The following PNPLA7 variants were observed in gnomAD, a reference collection of about 807,000 sequenced individuals.
The protein encoded by PNPLA7 is patatin like domain 7, lysophospholipase.
In PNPLA7, 153 loss-of-function variants were observed where a neutral mutation model predicts 161.7. The observed-to-expected ratio is 0.95, with a 90% CI of 0.83 to 1.08. PNPLA7 has a LOEUF of 1.08. Among genes scored for constraint, PNPLA7 ranks in the 50% least tolerant of loss-of-function variants. The probability of loss-of-function intolerance (pLI) is 0.00; values close to 1 mark genes in which losing one functional copy is unlikely to be tolerated. For synonymous variants in PNPLA7, 809 were observed against 782.1 expected (o/e 1.03, Z -0.57); for missense variants, 1,739 against 1,856.6 (o/e 0.94, Z 1.16).
At chr9:137,525,131 C>T (rs1835234405) in intron 8 of PNPLA7, among the ~76,000 whole-genome samples, 1 of 152,150 alleles carries the variant, frequency 6.6e-6, no homozygotes, top group Non-Finnish European at 1.5e-5. Context: ...GGGTGTCAGC[C>T]CAACCTCCCA....
chr9:137,536,087 A>C (rs935046349), intron 8 of PNPLA7, among the ~76,000 whole-genome samples: 9 of 148,898 alleles, frequency 6.0e-5, no homozygotes, highest in African/African-American at 2.0e-4. Flanking sequence ...CAGGAGGCGG[A>C]GCTTGCAGTG....
intron 14 of PNPLA7, among the ~76,000 whole-genome samples, chr9:137,502,765 G>A (rs1036922541): frequency 7.1e-6 from 1 of 141,356 alleles, no homozygotes. Context: ...CGGCCACGGT[G>A]ACATGGACGA....
At chr9:137,517,739 C>A (rs111207802) in intron 11 of PNPLA7, among the ~76,000 whole-genome samples, 12 of 66,254 alleles carry the variant, frequency 1.8e-4, no homozygotes, top group African/African-American at 9.8e-4. Context: ...TCTATCCACT[C>A]CATCCCCCGT....
intron 11 of PNPLA7, among the ~76,000 whole-genome samples, chr9:137,517,238 C>CCCG (rs1564342872): frequency 3.6e-5 from 4 of 111,830 alleles, no homozygotes; most frequent in Non-Finnish European, 3.8e-5. Context: ...CACTCCATCC[C>CCCG]TCACTCACTC....
At chr9:137,501,607 G>A (rs976615581) in intron 15 of PNPLA7, 43 bp downstream of exon 15, 1 of 1,577,358 alleles carries the variant, frequency 6.3e-7, no homozygotes, top group Non-Finnish European at 8.7e-7. Flanking sequence ...ACTGGGCTAT[G>A]GCATTGGGTG....
intron 11 of PNPLA7, among the ~76,000 whole-genome samples, chr9:137,518,804 G>A (rs1364747463): frequency 3.6e-5 from 2 of 55,850 alleles, no homozygotes; most frequent in Non-Finnish European, 6.2e-5. Flanking sequence ...ACTCCACTCT[G>A]TCCACTCCAT....
chr9:137,522,582 T>C (rs538801822), intron 9 of PNPLA7, 147 bp downstream of exon 9: 97 of 888,662 alleles, frequency 1.1e-4, no homozygotes, highest in Non-Finnish European at 1.6e-4. Context: ...TTGATTTCTC[T>C]ATTCCTCTGA....
At position 137,534,648 on chromosome 9, in the gene PNPLA7, C is replaced by T. The variant is rs187656109; in HGVS notation, c.747+5994G>A. On this transcript the variant is annotated intron_variant, in intron 8 of 34. Transcript: ENST00000406427. ...GCCAGCGTCCTGCTCAGTCCTCCTG[C>T]AGGGAGTGTCCCCTGTTAACGAGCC... Among the ~76,000 whole-genome samples the T allele has an allele frequency of 6.6e-5, 10 of 152,372 alleles. No homozygotes were observed. The East Asian group carries it at 1.9e-3, about 29-fold the overall frequency.
In PNPLA7 at chr9:137,547,020, A is replaced by T. The variant is rs569084184; in HGVS notation, c.194-111T>A. 3.8e-5 allele frequency: 39 copies of T among 1,014,164 alleles called. 1 individual carries two copies. The highest frequency in any genetic ancestry group is 5.4e-5 in the Non-Finnish European group (36 of 663,756). The allele number at this position is 1,014,164 out of a possible 1,614,324, so 62.8% of individuals were successfully genotyped here. On this transcript the variant is annotated intron_variant, in intron 3 of 34. Transcript: ENST00000406427. The surrounding 1 kb of genome is among the most constrained non-coding windows in gnomAD (Gnocchi z 4.6). ...CTCTCGTCCCTGCCAGTAACTGGCC[A>T]TACTCAGACAGCATGAGGGAAGAGG...
chr9:137,492,363 T>A (rs1377578362), intron 20 of PNPLA7: 2 of 982,200 alleles, frequency 2.0e-6, no homozygotes, highest in Non-Finnish European at 1.2e-6. Context: ...TCACATTTCA[T>A]CTTTTCACAT....
chr9:137,539,220 G>C (rs566192982), intron 8 of PNPLA7, among the ~76,000 whole-genome samples: 5 of 152,138 alleles, frequency 3.3e-5, no homozygotes, highest in African/African-American at 1.2e-4. Flanking sequence ...GCGCATGCCT[G>C]TAATCCCAGC....
At chr9:137,488,516 A>T (rs144698472) in intron 20 of PNPLA7, among the ~76,000 whole-genome samples, 82 of 152,320 alleles carry the variant, frequency 5.4e-4, no homozygotes, top group African/African-American at 1.9e-3. Flanking sequence ...CAGCTCTCGC[A>T]AGACTCCAAA....
chr9:137,545,285 A>G lies in PNPLA7; in HGVS notation c.274-1470T>C, dbSNP rs1443461226. ...AGTCACGCAGCTTTCAGCTTAGAGC[A>G]CACATGCCGGTAACCAGGGAACTCA... is the stretch of plus-strand genomic sequence containing the variant. On this transcript the variant is annotated intron_variant, in intron 4 of 34. Coordinates refer to ENST00000406427, the MANE Select transcript of PNPLA7 (RefSeq NM_001098537.3). Among the ~76,000 whole-genome samples the G allele has an allele frequency of 2.6e-5, 4 of 152,142 alleles. No individual in the cohort carries two copies. In the South Asian group the frequency reaches 8.3e-4, roughly 32 times the overall value.
Position 137,461,619 on chromosome 9 carries a change from A to G in PNPLA7, c.3758T>C (p.Val1253Ala), listed in dbSNP as rs745725959. 1.9e-6 allele frequency: 3 copies of G among 1,610,574 alleles called. No individual in the cohort carries two copies. The highest frequency in any genetic ancestry group is 1.7e-5 in the Admixed American group (1 of 59,814). Residue 1253 changes from valine to alanine, a missense_variant and splice_region_variant, in exon 33 of 35, where the codon GTC becomes GCC. Physicochemically the swap from Val to Ala is moderately conservative, Grantham distance 64. Around this residue, in one of 6 missense-constraint regions of PNPLA7, gnomAD observed 703 missense variants for 694.6 expected, o/e 1.01. Coordinates refer to ENST00000406427, the MANE Select transcript of PNPLA7 (RefSeq NM_001098537.3). ...GAAGGAGGCGTTGGGACAGGTGAGG[A>G]CCTAGGGGTGGGGTGAGGACAGCAC... ...QGPSKKPASAVLTCPNASFTD... is the reference protein window; with the variant it reads ...QGPSKKPASAALTCPNASFTD...
intron 26 of PNPLA7, among the ~76,000 whole-genome samples, chr9:137,466,477 C>T (rs1404210798): frequency 6.7e-6 from 1 of 148,852 alleles, no homozygotes; most frequent in Non-Finnish European, 1.5e-5. Flanking sequence ...CAGAACAGAC[C>T]ACCTCCCACC....
At chr9:137,511,807 A>T (rs1489218630) in intron 12 of PNPLA7, among the ~76,000 whole-genome samples, 2 of 152,136 alleles carry the variant, frequency 1.3e-5, no homozygotes, top group Admixed American at 1.3e-4. Flanking sequence ...AGAATTAGCG[A>T]AAGTATTAGA....
Position 137,500,777 on chromosome 9 carries a change from G to A in PNPLA7, c.1671C>T (p.Ala557=), listed in dbSNP as rs574830968. Residue 557 remains alanine, a synonymous_variant, in exon 16 of 35, where the codon GCC becomes GCT. Transcript: ENST00000406427. The surrounding 1 kb of genome is among the most constrained non-coding windows in gnomAD (Gnocchi z 5.5). ...TRPGEMVGQL[A]VLTGEPLIFT... is the part of the protein sequence containing the mutation. ...AGATGAGAGGCTCCCCGGTGAGCAC[G>A]GCCAGCTGGCCCACCATCTCCCCGG... The A allele has an allele frequency of 1.1e-5, 17 of 1,611,966 alleles. No homozygotes were observed. In the Admixed American group the frequency reaches 1.3e-4, roughly 13 times the overall value.
rs1836220267 is a variant in PNPLA7, at chr9:137,541,784, GA to G, written c.666+857del. Among the ~76,000 whole-genome samples, 1 of 151,808 alleles carries G rather than the reference GA, an allele frequency of 6.6e-6. No individual in the cohort carries two copies. Among genetic ancestry groups the G allele is most frequent in the Non-Finnish European group, 1.5e-5 (1 of 67,960 alleles). On this transcript the variant is annotated intron_variant, in intron 7 of 34. Transcript: ENST00000406427. The surrounding 1 kb of genome is among the most constrained non-coding windows in gnomAD (Gnocchi z 4.4). ...TGAGCTCCTACGTGGATTCACACCC[GA>G]ATTTTTTTTTTTTTGAGACAGGGTC...
rs987475852 is a variant in PNPLA7 at position 137,462,206 on chromosome 9, C to G, written c.3618G>C (p.Leu1206=). The change falls in exon 31 of 35, where the codon CTG becomes CTC. Residue 1206 remains leucine (L), a synonymous_variant. Transcript: ENST00000406427. ...LRPPIDSYST[L]DFGKFNEICE... ...AGATCTCGTTGAACTTGCCGAAGTC[C>G]AGGGTGCTGTAGCTGTCGATGGGGG... The G allele has an allele frequency of 4.9e-5, 77 of 1,584,148 alleles. No homozygotes were observed. Among genetic ancestry groups the G allele is most frequent in the Non-Finnish European group, 6.6e-5 (77 of 1,163,576 alleles).
Sources: gnomAD v4.1 joint callset for allele counts (sites outside exome capture counted in the v4.1 genomes callset) on GRCh38, gnomAD v4.1.1 for gene constraint, gnomAD v4.1.1 regional missense constraint, Gnocchi (gnomAD v3.1) non-coding constraint, MANE v1.5 for transcripts, NCBI Gene and HGNC (gene_info 2026-07-23, HGNC 2026-07-21) for gene names.